Variants in AAK1 observed in about 807,000 individuals in gnomAD.
AAK1 encodes the protein AP2 associated kinase 1.
AAK1 carries 37 observed loss-of-function variants against 116.0 expected under a neutral mutation model. That is an observed-to-expected ratio of 0.32 (90% CI 0.25 to 0.42). The LOEUF (loss-of-function observed/expected upper bound fraction) is 0.42, where lower values mean the gene tolerates loss of function less well. AAK1 is among the 10% of genes least tolerant of loss of function. AAK1 has a pLI of 1.00. For missense variants in AAK1, 919 were observed against 1,170.6 expected, an observed-to-expected ratio of 0.79 and a Z score of 3.14; for synonymous variants, 458 against 439.9, an observed-to-expected ratio of 1.04 and a Z score of -0.51.
At chr2:69,562,204 C>T (rs1223423736) in intron 2 of AAK1, among the ~76,000 whole-genome samples, 2 of 152,188 alleles carry the variant, frequency 1.3e-5, no homozygotes, top group Non-Finnish European at 2.9e-5. Context: ...CAGCCACATA[C>T]GAGAGTTCTG....
At chr2:69,577,845 T>C (rs939135634) in intron 2 of AAK1, among the ~76,000 whole-genome samples, 1 of 151,484 alleles carries the variant, frequency 6.6e-6, no homozygotes. Flanking sequence ...GCGCTGTAGG[T>C]TGGGGAGGGG....
intron 2 of AAK1, among the ~76,000 whole-genome samples, chr2:69,585,329 T>G (rs921754272): frequency 6.6e-6 from 1 of 152,142 alleles, no homozygotes; most frequent in African/African-American, 2.4e-5. Flanking sequence ...CCCAAAGTAT[T>G]GGGACTACAG....
chr2:69,539,099 C>T (rs1164114472), intron 5 of AAK1, among the ~76,000 whole-genome samples: 9 of 152,126 alleles, frequency 5.9e-5, no homozygotes, highest in Admixed American at 2.6e-4. Flanking sequence ...ACTGTTAGCT[C>T]CACTTTACAG....
chr2:69,528,016 T>C (rs533181934), intron 8 of AAK1, among the ~76,000 whole-genome samples: 6 of 152,258 alleles, frequency 3.9e-5, no homozygotes, highest in Admixed American at 3.9e-4. Context: ...AAAAGATCAG[T>C]GAGGGTGCAG....
intron 2 of AAK1, among the ~76,000 whole-genome samples, chr2:69,623,253 T>C (rs981238843): frequency 4.6e-5 from 7 of 152,162 alleles, no homozygotes; most frequent in African/African-American, 1.4e-4. Flanking sequence ...CTTTAAGAAC[T>C]GTGACACTCA....
At position 69,473,528 on chromosome 2, in the gene AAK1, C is replaced by T. The variant is rs1194304010; in HGVS notation, c.*2341G>A. 3.0e-6 allele frequency: 3 copies of T among 985,436 alleles called. No individual in the cohort carries two copies. Among genetic ancestry groups the T allele is most frequent in the Non-Finnish European group, 3.6e-6 (3 of 829,928 alleles). 61.0% of individuals were successfully genotyped at this position (985,436 alleles called of 1,614,324 possible). ...CATTATCTCCCTTAGGCTTCTACTG[C>T]CGTCTCTGGCTTCTAGTCTGCTCAT... On this transcript the variant is annotated 3_prime_UTR_variant, in exon 22 of 22. Transcript: ENST00000409085.
At chr2:69,604,783 C>T (rs1444264986) in intron 2 of AAK1, among the ~76,000 whole-genome samples, 1 of 152,094 alleles carries the variant, frequency 6.6e-6, no homozygotes, top group Non-Finnish European at 1.5e-5. Context: ...GGTGCCACAC[C>T]CCAACTGCAC....
intron 2 of AAK1, among the ~76,000 whole-genome samples, chr2:69,634,111 A>G (rs1283561028): frequency 1.3e-5 from 2 of 152,246 alleles, no homozygotes; most frequent in African/African-American, 4.8e-5. Flanking sequence ...CAGAGGTTGC[A>G]GTGAGCCAAG....
At chr2:69,633,302 G>A (rs191715463) in intron 2 of AAK1, among the ~76,000 whole-genome samples, 1 of 151,200 alleles carries the variant, frequency 6.6e-6, no homozygotes, top group Admixed American at 6.6e-5. Context: ...TTCCACTGCT[G>A]ACATCAAGAA....
At chr2:69,639,240 T>C (rs962088380) in intron 2 of AAK1, among the ~76,000 whole-genome samples, 12 of 152,204 alleles carry the variant, frequency 7.9e-5, no homozygotes, top group African/African-American at 2.2e-4. Flanking sequence ...AAAGCTTAGA[T>C]ATAAGTCCTC....
At chr2:69,528,306 G>A (rs903543516) in intron 8 of AAK1, among the ~76,000 whole-genome samples, 1 of 152,128 alleles carries the variant, frequency 6.6e-6, no homozygotes, top group Non-Finnish European at 1.5e-5. Flanking sequence ...TTGGCAAGCC[G>A]CTAGAGTTTC....
At chr2:69,479,330 G>A (rs1257247803) in intron 19 of AAK1, among the ~76,000 whole-genome samples, 5 of 152,102 alleles carry the variant, frequency 3.3e-5, no homozygotes, top group Admixed American at 3.3e-4. Context: ...AGAAATGTGT[G>A]GAGGCTTCTG....
chr2:69,482,443 A>C, intron 18 of AAK1: 1 of 606,006 alleles, frequency 1.7e-6, no homozygotes, highest in South Asian at 2.2e-5. Flanking sequence ...AAGTTCTTCT[A>C]ACTAAATGTG....
At chr2:69,534,380 A>C (rs1670377677) in intron 5 of AAK1, among the ~76,000 whole-genome samples, 1 of 152,184 alleles carries the variant, frequency 6.6e-6, no homozygotes, top group African/African-American at 2.4e-5. Flanking sequence ...ATAGTAGGGG[A>C]GACAATACTT....
rs1159230185 is a variant in AAK1, at chr2:69,468,546, A to G, written c.*7323T>C. ...CAGGAGAGCAAAATATCTCTTAGGG[A>G]AAAAAAATGGAAAACTTAGTCAAGC... On this transcript the variant is annotated 3_prime_UTR_variant, in exon 22 of 22. Coordinates refer to ENST00000409085, the MANE Select transcript of AAK1 (RefSeq NM_014911.5). The G allele has an allele frequency of 1.9e-5, 19 of 985,032 alleles. No individual in the cohort carries two copies. Among genetic ancestry groups the G allele is most frequent in the Non-Finnish European group, 1.9e-5 (16 of 829,810 alleles). 61.0% of individuals were successfully genotyped at this position (985,032 alleles called of 1,614,324 possible).
In AAK1 at chr2:69,462,308, T is replaced by G. The variant is rs1218867474; in HGVS notation, c.*13561A>C. 2 of 151,198 alleles carry G rather than the reference T, an allele frequency of 1.3e-5. No homozygotes were observed. The highest frequency in any genetic ancestry group is 1.3e-4 in the Admixed American group (2 of 15,198). The allele number at this position is 151,198 out of a possible 1,614,324, so 9.4% of individuals were successfully genotyped here. On this transcript the variant is annotated 3_prime_UTR_variant, in exon 22 of 22. Transcript: ENST00000409085. ...GGGTGCAGCACACGAGCATGGCACA[T>G]GTATACATATGTAACTAACCTGCAC...
intron 21 of AAK1, among the ~76,000 whole-genome samples, chr2:69,476,456 T>C (rs1437277404): frequency 6.6e-6 from 1 of 152,164 alleles, no homozygotes; most frequent in African/African-American, 2.4e-5. Flanking sequence ...TTTTCCTCCA[T>C]CAAAGTTGAA....
At chr2:69,530,201 C>T in intron 7 of AAK1, 61 bp from the exon 8 acceptor site, 1 of 1,509,024 alleles carries the variant, frequency 6.6e-7, no homozygotes, top group Non-Finnish European at 8.9e-7. Flanking sequence ...CTAAATGGAT[C>T]TAATGAGAAA....
At chr2:69,568,890 C>T (rs989846751) in intron 2 of AAK1, among the ~76,000 whole-genome samples, 1 of 152,126 alleles carries the variant, frequency 6.6e-6, no homozygotes. Context: ...GCCCCTAGGT[C>T]GTGGTCCTTC....
Sources: allele counts gnomAD v4.1 joint callset (sites outside exome capture counted in the v4.1 genomes callset), GRCh38; gene constraint gnomAD v4.1.1; transcripts MANE v1.5; gene names NCBI Gene and HGNC (gene_info 2026-07-23, HGNC 2026-07-21).